TRIOBP: variants seen among roughly 807,000 people sequenced by gnomAD.
TRIOBP encodes the protein TRIO and F-actin binding protein.
A neutral mutation model predicts 238.8 loss-of-function variants in TRIOBP; 169 were observed. That is an observed-to-expected ratio of 0.71 (90% CI 0.62 to 0.80). The LOEUF is 0.80. Ranked by LOEUF, TRIOBP falls within the 30% of genes least tolerant of loss-of-function variation. The pLI, the probability that TRIOBP is intolerant of heterozygous loss-of-function variation, is 0.00. For synonymous variants in TRIOBP, 1,150 were observed against 1,274.4 expected (o/e 0.90, Z 2.08); for missense variants, 2,838 against 3,122.6 (o/e 0.91, Z 2.17).
intron 7 of TRIOBP, among the ~76,000 whole-genome samples, chr22:37,732,503 C>A (rs1924471778): frequency 2.6e-5 from 2 of 75,966 alleles, no homozygotes; most frequent in South Asian, 1.3e-3. Flanking sequence ...GAGCGAGACT[C>A]CATCTCAAAA....
rs753571464 is a variant in TRIOBP at position 37,772,592 on chromosome 22, G to GC, written c.6937-3dup. 7 of 1,613,964 alleles carry GC rather than the reference G, an allele frequency of 4.3e-6. No homozygotes were observed. The South Asian group carries it at 4.4e-5, about 10-fold the overall frequency. ...CTTCATGCCCTCATACCTGCCTCCT[G>GC]CCCCCCAGGACAAGCGCTTCACCTC... On this transcript the variant is annotated splice_polypyrimidine_tract_variant and intron_variant, in intron 22 of 23. Coordinates refer to ENST00000644935, the MANE Select transcript of TRIOBP (RefSeq NM_001039141.3).
At chr22:37,737,920 T>C (rs906349994) in intron 9 of TRIOBP, among the ~76,000 whole-genome samples, 3 of 152,228 alleles carry the variant, frequency 2.0e-5, no homozygotes, top group African/African-American at 7.2e-5. Flanking sequence ...CAGTTTTGCT[T>C]CCATTTGTCC....
At chr22:37,743,071 C>T (rs1482482849) in intron 11 of TRIOBP, among the ~76,000 whole-genome samples, 2 of 152,210 alleles carry the variant, frequency 1.3e-5, no homozygotes, top group Admixed American at 6.5e-5. Flanking sequence ...AGCCCTCCTG[C>T]AGCTCTGGGA....
chr22:37,736,403 G>A (rs551350992), intron 9 of TRIOBP, among the ~76,000 whole-genome samples: 282 of 152,174 alleles, frequency 1.9e-3, no homozygotes, highest in African/African-American at 6.5e-3. Flanking sequence ...AAAGTCCAAC[G>A]CCACCTGCCC....
intron 9 of TRIOBP, among the ~76,000 whole-genome samples, chr22:37,736,070 C>T (rs189001766): frequency 7.2e-5 from 11 of 152,366 alleles, no homozygotes; most frequent in Admixed American, 6.5e-4. Context: ...GCTGCCAAGA[C>T]AGGCTGCTTA....
rs1926946518 is a variant in TRIOBP, at chr22:37,774,536, C to G, written c.*756C>G. 6.6e-6 allele frequency: 1 copy of G among 152,242 alleles called. No individual in the cohort carries two copies. The highest frequency in any genetic ancestry group is 1.5e-5 in the Non-Finnish European group (1 of 68,088). The allele number at this position is 152,242 out of a possible 1,614,324, so 9.4% of individuals were successfully genotyped here. A position where few individuals can be genotyped will look rare whatever the true frequency, so the allele number is the denominator to read the frequency against. On this transcript the variant is annotated 3_prime_UTR_variant, in exon 24 of 24. Coordinates refer to ENST00000644935, the MANE Select transcript of TRIOBP (RefSeq NM_001039141.3). ...CTGGTGTCCTAGATGGCTGGCAGAA[C>G]AGGAATGGAGATTGGGGTTTCTTGA... is the stretch of plus-strand genomic sequence containing the variant.
intron 6 of TRIOBP, among the ~76,000 whole-genome samples, chr22:37,718,486 C>G (rs1021589954): frequency 1.3e-5 from 2 of 151,212 alleles, no homozygotes; most frequent in Admixed American, 6.6e-5. Flanking sequence ...CCACTTTCAC[C>G]AAGAGGCTGC....
At chr22:37,741,595 A>G (rs1601644180) in intron 11 of TRIOBP, among the ~76,000 whole-genome samples, 1 of 152,176 alleles carries the variant, frequency 6.6e-6, no homozygotes, top group African/African-American at 2.4e-5. Context: ...AGGCTGGCTC[A>G]TGGGGTCTCT....
chr22:37,698,620 T>C (rs1325932211), intron 2 of TRIOBP, among the ~76,000 whole-genome samples: 2 of 152,070 alleles, frequency 1.3e-5, no homozygotes, highest in African/African-American at 4.8e-5. Flanking sequence ...CCCAAAGTGC[T>C]GGGATTATAG....
intron 22 of TRIOBP, 197 bp downstream of exon 22, chr22:37,771,933 C>T (rs1486957110): frequency 4.3e-6 from 3 of 693,482 alleles, no homozygotes; most frequent in East Asian, 5.5e-5. Flanking sequence ...AGTGACTTCC[C>T]CAAGGCTGTA....
chr22:37,703,831 T>C (rs1354840026), intron 3 of TRIOBP, among the ~76,000 whole-genome samples: 2 of 151,630 alleles, frequency 1.3e-5, no homozygotes, highest in African/African-American at 4.8e-5. Flanking sequence ...CCTCCAATAA[T>C]AGCTCTCTTG....
At position 37,725,665 on chromosome 22, in the gene TRIOBP, C is replaced by T; in HGVS notation, c.3109C>T (p.Pro1037Ser). Reference sequence around the variant, plus strand: ...GCCCCCTCGCTATTTGCAGCACGACCCCTTCCCCTTCTTCCCAGAGCCCCG... The same window carrying T: ...GCCCCCTCGCTATTTGCAGCACGACTCCTTCCCCTTCTTCCCAGAGCCCCG... ...SSPPRYLQHDPFPFFPEPRAP... is the reference protein window; with the variant it reads ...SSPPRYLQHDSFPFFPEPRAP... Residue 1037 changes from proline (P) to serine (S), a missense_variant, in exon 7 of 24, where the codon CCC becomes TCC. Pro to Ser is a moderately conservative substitution (Grantham distance 74, BLOSUM62 -1). Around this residue, in one of 5 missense-constraint regions of TRIOBP, gnomAD observed 2,096 missense variants for 2,137.4 expected, o/e 0.98. Transcript: ENST00000644935. 6.2e-7 allele frequency: 1 copy of T among 1,612,810 alleles called. No individual in the cohort carries two copies. Among genetic ancestry groups the T allele is most frequent in the African/African-American group, 1.3e-5 (1 of 74,580 alleles).
chr22:37,769,845 C>T (rs769817053), intron 21 of TRIOBP, among the ~76,000 whole-genome samples: 10 of 152,068 alleles, frequency 6.6e-5, no homozygotes, highest in Non-Finnish European at 1.2e-4. Flanking sequence ...TCTCCTGCCT[C>T]AGCCTCCCAA....
intron 11 of TRIOBP, among the ~76,000 whole-genome samples, chr22:37,745,836 C>G (rs1925195693): frequency 6.6e-6 from 1 of 152,226 alleles, no homozygotes; most frequent in African/African-American, 2.4e-5. Context: ...GCGCCGAGCC[C>G]TAGCGGACCC....
chr22:37,757,720 G>T lies in TRIOBP; in HGVS notation c.5795G>T (p.Gly1932Val). 1 of 1,577,422 alleles carries T rather than the reference G, an allele frequency of 6.3e-7. No individual in the cohort carries two copies. The change falls in exon 16 of 24, where the codon GGC becomes GTC. Residue 1932 changes from glycine (G) to valine (V), a missense_variant. This residue lies in a region of TRIOBP where 2,096 missense variants were observed against 2,137.4 expected (regional missense o/e 0.98). Coordinates refer to ENST00000644935, the MANE Select transcript of TRIOBP (RefSeq NM_001039141.3). ...GGCTCTGAGGTCATCAGCCGGGGTG[G>T]CCCTCGGAAGGCGGACGGGCAGCGT... ...RAGSEVISRG[G>V]PRKADGQRQA...
intron 23 of TRIOBP, among the ~76,000 whole-genome samples, chr22:37,773,110 G>A (rs922795648): frequency 3.9e-5 from 6 of 152,074 alleles, no homozygotes; most frequent in Non-Finnish European, 7.4e-5. Flanking sequence ...CACACACATC[G>A]CACGCTGAGG....
intron 11 of TRIOBP, among the ~76,000 whole-genome samples, chr22:37,745,351 C>A (rs1370280700): frequency 6.6e-6 from 1 of 152,112 alleles, no homozygotes; most frequent in Non-Finnish European, 1.5e-5. Flanking sequence ...CCCCATTTTA[C>A]AGAGAGTGAA....
At chr22:37,714,950 C>T (rs1407111942) in intron 5 of TRIOBP, among the ~76,000 whole-genome samples, 1 of 152,146 alleles carries the variant, frequency 6.6e-6, no homozygotes, top group African/African-American at 2.4e-5. Flanking sequence ...GAAGGTGTGG[C>T]ACCACTCACT....
chr22:37,737,324 C>A (rs1924720760), intron 9 of TRIOBP, among the ~76,000 whole-genome samples: 1 of 152,102 alleles, frequency 6.6e-6, no homozygotes, highest in Non-Finnish European at 1.5e-5. Context: ...CGAGTAACCA[C>A]CAGGTCCTGC....
Sources: allele counts gnomAD v4.1 joint callset (sites outside exome capture counted in the v4.1 genomes callset), GRCh38; gene constraint gnomAD v4.1.1; regional missense constraint gnomAD v4.1.1; transcripts MANE v1.5; gene names NCBI Gene and HGNC (gene_info 2026-07-23, HGNC 2026-07-21).